The following SSBP2 variants were observed in gnomAD, a reference collection of about 807,000 sequenced individuals.
SSBP2 encodes single-stranded DNA-binding protein 2.
In SSBP2, 17 loss-of-function variants were observed where a neutral mutation model predicts 61.8. That is an observed-to-expected ratio of 0.28 (90% CI 0.19 to 0.41). The LOEUF (loss-of-function observed/expected upper bound fraction) is 0.41. SSBP2 is among the 10% of genes least tolerant of loss of function. SSBP2 has a pLI of 1.00. For missense variants in SSBP2, 310 were observed against 458.7 expected (o/e 0.68, Z 2.96); for synonymous variants, 139 against 141.3 (o/e 0.98, Z 0.12).
rs116346375 is a variant in SSBP2 at position 81,719,140 on chromosome 5, G to A, written c.62+31841C>T. Among the ~76,000 whole-genome samples the A allele has an allele frequency of 3.3e-3, 496 of 152,196 alleles. 2 individuals carry two copies. The highest frequency in any genetic ancestry group is 0.011 in the African/African-American group (476 of 41,532). The stretch of plus-strand genomic sequence containing the variant: ...CTTGTTTATGCATTAGGATCCAGAC[G>A]AGGTTGCCACAGGTTTCAACACAAA... On this transcript the variant is annotated intron_variant, in intron 1 of 16. Coordinates refer to ENST00000320672, the MANE Select transcript of SSBP2 (RefSeq NM_012446.5).
chr5:81,747,406 G>GA (rs1043977755), intron 1 of SSBP2, among the ~76,000 whole-genome samples: 32 of 149,418 alleles, frequency 2.1e-4, no homozygotes, highest in Admixed American at 6.6e-4. Flanking sequence ...TTTAATGGAG[G>GA]AAAAAAAAAG....
At chr5:81,495,360 T>C (rs1034987484) in intron 5 of SSBP2, among the ~76,000 whole-genome samples, 2 of 152,212 alleles carry the variant, frequency 1.3e-5, no homozygotes, top group East Asian at 1.9e-4. Context: ...TTTTCTAACA[T>C]TGTCAATAGA....
chr5:81,623,125 T>C (rs1746778062), intron 3 of SSBP2, among the ~76,000 whole-genome samples: 1 of 152,160 alleles, frequency 6.6e-6, no homozygotes, highest in Admixed American at 6.5e-5. Context: ...GTAATGTTCT[T>C]AAAGAACTTC....
At chr5:81,702,870 ATATT>A (rs1754089770) in intron 1 of SSBP2, among the ~76,000 whole-genome samples, 1 of 152,206 alleles carries the variant, frequency 6.6e-6, no homozygotes, top group Non-Finnish European at 1.5e-5. Context: ...ATCAAGCCTT[ATATT>A]GAACTACAGC....
At chr5:81,576,058 C>A (rs1774187555) in intron 4 of SSBP2, among the ~76,000 whole-genome samples, 1 of 152,126 alleles carries the variant, frequency 6.6e-6, no homozygotes, top group African/African-American at 2.4e-5. Context: ...TAACTGGGGT[C>A]CAGCGATATT....
At chr5:81,710,769 C>T in intron 1 of SSBP2, 1 of 432,358 alleles carries the variant, frequency 2.3e-6, no homozygotes, top group Non-Finnish European at 4.6e-6. Context: ...CAGATGAATT[C>T]TAAAAAGAAG....
intron 4 of SSBP2, among the ~76,000 whole-genome samples, chr5:81,575,158 C>T (rs541564537): frequency 6.6e-6 from 1 of 152,278 alleles, no homozygotes; most frequent in South Asian, 2.1e-4. Context: ...GTCCCAGCTA[C>T]TCGGGAGGCT....
chr5:81,428,836 T>G (rs757037545), intron 15 of SSBP2, among the ~76,000 whole-genome samples, 153 bp from the exon 16 acceptor site: 6 of 152,150 alleles, frequency 3.9e-5, no homozygotes, highest in Non-Finnish European at 7.4e-5. Flanking sequence ...TTTCATTCTT[T>G]GCACTTTGAC....
intron 8 of SSBP2, among the ~76,000 whole-genome samples, chr5:81,469,919 G>C (rs1416614781): frequency 6.6e-6 from 1 of 151,874 alleles, no homozygotes; most frequent in African/African-American, 2.4e-5. Flanking sequence ...CAATGTTTCT[G>C]ACAAAATGGC....
upstream of SSBP2, chr5:81,751,108 G>A (rs552809344): frequency 9.9e-6 from 15 of 1,512,216 alleles, no homozygotes; most frequent in Admixed American, 2.0e-5. Flanking sequence ...CCCGGGAACA[G>A]CCCCGTCCCC....
At chr5:81,481,665 A>G (rs1766002930) in intron 6 of SSBP2, among the ~76,000 whole-genome samples, 1 of 150,774 alleles carries the variant, frequency 6.6e-6, no homozygotes, top group Non-Finnish European at 1.5e-5. Flanking sequence ...TCCTTGATTC[A>G]TGGGATACAG....
chr5:81,424,621 T>C (rs991116273), intron 16 of SSBP2, among the ~76,000 whole-genome samples: 1 of 152,116 alleles, frequency 6.6e-6, no homozygotes, highest in Non-Finnish European at 1.5e-5. Context: ...GGCTGTAAAA[T>C]GCTCATGTTT....
At chr5:81,429,863 T>G (rs2153910574) in intron 15 of SSBP2, among the ~76,000 whole-genome samples, 1 of 152,314 alleles carries the variant, frequency 6.6e-6, no homozygotes. Flanking sequence ...CTTGTCTTGC[T>G]GTGCACCCCG....
At chr5:81,552,618 A>G (rs1405858762) in intron 4 of SSBP2, among the ~76,000 whole-genome samples, 1 of 151,598 alleles carries the variant, frequency 6.6e-6, no homozygotes, top group African/African-American at 2.4e-5. Context: ...AGCCTGGGCA[A>G]CAGAGCAAGA....
At chr5:81,560,107 T>C (rs1455454028) in intron 4 of SSBP2, among the ~76,000 whole-genome samples, 5 of 152,162 alleles carry the variant, frequency 3.3e-5, no homozygotes, top group East Asian at 1.9e-4. Context: ...TACAACAGAA[T>C]ATCAATTGCG....
chr5:81,630,309 T>G (rs1446413361), intron 3 of SSBP2, among the ~76,000 whole-genome samples: 1 of 152,130 alleles, frequency 6.6e-6, no homozygotes, highest in Non-Finnish European at 1.5e-5. Context: ...GATAAGAAGG[T>G]CAGGCATCTG....
At chr5:81,473,663 A>G (rs193154494) in intron 8 of SSBP2, 37 bp downstream of exon 8, 70 of 1,597,444 alleles carry the variant, frequency 4.4e-5, no homozygotes, top group Admixed American at 3.8e-4. Flanking sequence ...GGTTGGTTCC[A>G]TATCTTTGCT....
intron 16 of SSBP2, among the ~76,000 whole-genome samples, chr5:81,424,651 A>AC (rs1761842001): frequency 6.6e-6 from 1 of 152,196 alleles, no homozygotes; most frequent in Admixed American, 6.5e-5. Flanking sequence ...TACTGAAACT[A>AC]CTTCAAAAAA....
At chr5:81,660,252 A>G (rs1022538710) in intron 1 of SSBP2, among the ~76,000 whole-genome samples, 2 of 152,246 alleles carry the variant, frequency 1.3e-5, no homozygotes, top group African/African-American at 4.8e-5. Flanking sequence ...ATGGGAGAAA[A>G]TTTTTGCAAT....
Sources: gnomAD v4.1 joint callset for allele counts (sites outside exome capture counted in the v4.1 genomes callset) on GRCh38, gnomAD v4.1.1 for gene constraint, MANE v1.5 for transcripts, NCBI Gene and HGNC (gene_info 2026-07-23, HGNC 2026-07-21) for gene names.